Variants in MICU1 observed in about 807,000 individuals in gnomAD.
The protein encoded by MICU1 is mitochondrial calcium uptake 1.
A neutral mutation model predicts 56.8 loss-of-function variants in MICU1; 45 were observed. That is an observed-to-expected ratio of 0.79 (90% CI 0.62 to 1.02). The LOEUF (loss-of-function observed/expected upper bound fraction) is 1.02, where lower values mean the gene tolerates loss of function less well. Ranked by LOEUF, MICU1 falls within the 50% of genes least tolerant of loss-of-function variation. The probability of loss-of-function intolerance (pLI) is 0.00; values close to 1 mark genes in which losing one functional copy is unlikely to be tolerated. For missense variants in MICU1, 504 were observed against 587.1 expected, an observed-to-expected ratio of 0.86 and a Z score of 1.46; for synonymous variants, 186 against 195.1, an observed-to-expected ratio of 0.95 and a Z score of 0.39.
intron 8 of MICU1, among the ~76,000 whole-genome samples, chr10:72,434,503 T>G (rs528728498): frequency 6.6e-6 from 1 of 152,154 alleles, no homozygotes; most frequent in Non-Finnish European, 1.5e-5. Context: ...ATCCAATTTC[T>G]GCTTTCAATA....
chr10:72,430,805 C>G (rs1422259518), intron 8 of MICU1, among the ~76,000 whole-genome samples: 2 of 152,192 alleles, frequency 1.3e-5, no homozygotes, highest in African/African-American at 4.8e-5. Flanking sequence ...GGTGATCCGC[C>G]AGCCTCAGCC....
At chr10:72,533,688 TA>T in intron 5 of MICU1, 57 bp downstream of exon 5, 1 of 1,310,048 alleles carries the variant, frequency 7.6e-7, no homozygotes, top group South Asian at 1.4e-5. Flanking sequence ...TAGAGGAACT[TA>T]AAAATCTTCT....
intron 8 of MICU1, among the ~76,000 whole-genome samples, chr10:72,432,826 T>C (rs1475744351): frequency 6.6e-6 from 1 of 152,216 alleles, no homozygotes; most frequent in East Asian, 1.9e-4. Flanking sequence ...ACATGAGATT[T>C]GTAGGGGACG....
intron 1 of MICU1, among the ~76,000 whole-genome samples, chr10:72,588,697 C>T (rs147166272): frequency 0.022 from 3,292 of 152,240 alleles, 122 homozygotes; most frequent in African/African-American, 0.076. Flanking sequence ...GGCATTTTGA[C>T]GAGATAATGC....
intron 1 of MICU1, among the ~76,000 whole-genome samples, chr10:72,591,986 G>C (rs566646003): frequency 2.0e-5 from 3 of 151,686 alleles, no homozygotes; most frequent in African/African-American, 7.2e-5. Flanking sequence ...CTCCAGCCTG[G>C]GCGACAAAGT....
chr10:72,587,823 A>G (rs996280705), intron 1 of MICU1, among the ~76,000 whole-genome samples: 2 of 151,942 alleles, frequency 1.3e-5, no homozygotes, highest in Non-Finnish European at 1.5e-5. Flanking sequence ...AAATAAATAA[A>G]ATTTTAATTT....
At chr10:72,567,619 T>C (rs1038121377) in intron 1 of MICU1, among the ~76,000 whole-genome samples, 1 of 152,180 alleles carries the variant, frequency 6.6e-6, no homozygotes, top group Non-Finnish European at 1.5e-5. Context: ...GGACAACTCA[T>C]GCCAGCGGAA....
At chr10:72,568,890 T>C (rs970260039) in intron 1 of MICU1, among the ~76,000 whole-genome samples, 4 of 149,604 alleles carry the variant, frequency 2.7e-5, no homozygotes, top group African/African-American at 9.8e-5. Flanking sequence ...GTAGCTGGGA[T>C]TACAGGCACA....
At chr10:72,566,913 C>G (rs923629483) in intron 1 of MICU1, 119 bp from the exon 2 acceptor site, 11 of 837,344 alleles carry the variant, frequency 1.3e-5, no homozygotes, top group Non-Finnish European at 1.8e-5. Flanking sequence ...AGGCACTATT[C>G]TAAACAATTT....
intron 4 of MICU1, among the ~76,000 whole-genome samples, chr10:72,535,005 T>TTTTATTTTATTTTATTTATTTTATTTTA (rs1839588252): frequency 8.6e-6 from 1 of 116,314 alleles, no homozygotes; most frequent in African/African-American, 3.3e-5. Context: ...CTCCCTCTAT[T>TTTTATTTTATTTTATTTATTTTATTTTA]TTTTATTTTA....
intron 1 of MICU1, among the ~76,000 whole-genome samples, chr10:72,620,308 C>T (rs992335608): frequency 2.0e-5 from 3 of 152,096 alleles, no homozygotes; most frequent in Non-Finnish European, 4.4e-5. Context: ...CCTCAGCCTC[C>T]CAAGCAGCTG....
At chr10:72,610,004 C>G (rs906757801) in intron 1 of MICU1, among the ~76,000 whole-genome samples, 1 of 151,196 alleles carries the variant, frequency 6.6e-6, no homozygotes, top group African/African-American at 2.4e-5. Flanking sequence ...CACTGCACTC[C>G]AAGCCTGAGC....
At chr10:72,617,050 C>T (rs1320665139) in intron 1 of MICU1, among the ~76,000 whole-genome samples, 1 of 152,182 alleles carries the variant, frequency 6.6e-6, no homozygotes, top group Non-Finnish European at 1.5e-5. Flanking sequence ...TCTAGACAAC[C>T]ACTGTTTTAC....
At chr10:72,529,849 AG>A (rs1839423321) in intron 5 of MICU1, among the ~76,000 whole-genome samples, 2 of 152,090 alleles carry the variant, frequency 1.3e-5, no homozygotes, top group Non-Finnish European at 2.9e-5. Context: ...AATGAAACAA[AG>A]AAAAAATATA....
At chr10:72,535,569 C>T (rs1380201889) in intron 4 of MICU1, among the ~76,000 whole-genome samples, 1 of 152,022 alleles carries the variant, frequency 6.6e-6, no homozygotes, top group African/African-American at 2.4e-5. Context: ...GACTAAAAGA[C>T]CTTACCAAGT....
intron 10 of MICU1, among the ~76,000 whole-genome samples, chr10:72,405,347 GT>G (rs1340350248): frequency 6.6e-6 from 1 of 152,010 alleles, no homozygotes; most frequent in Non-Finnish European, 1.5e-5. Flanking sequence ...AGCCTCCTGA[GT>G]AGCTGGGATT....
chr10:72,432,180 A>G (rs1864557532), intron 8 of MICU1, among the ~76,000 whole-genome samples: 2 of 151,272 alleles, frequency 1.3e-5, no homozygotes, highest in Admixed American at 1.3e-4. Context: ...TGCAGCCTCA[A>G]CTTCCTGGGC....
At chr10:72,600,447 G>A (rs539280781) in intron 1 of MICU1, among the ~76,000 whole-genome samples, 27 of 151,174 alleles carry the variant, frequency 1.8e-4, no homozygotes, top group African/African-American at 6.3e-4. Flanking sequence ...TTGGGAGTTC[G>A]AGACCAGCCT....
intron 1 of MICU1, among the ~76,000 whole-genome samples, chr10:72,580,626 G>GTA (rs1840874759): frequency 6.6e-6 from 1 of 152,074 alleles, no homozygotes; most frequent in Non-Finnish European, 1.5e-5. Context: ...ACAGGCATGC[G>GTA]CCACCACACC....
Sources: gnomAD v4.1 joint callset for allele counts (sites outside exome capture counted in the v4.1 genomes callset) on GRCh38, gnomAD v4.1.1 for gene constraint, MANE v1.5 for transcripts, NCBI Gene and HGNC (gene_info 2026-07-23, HGNC 2026-07-21) for gene names.